The following RGL1 variants were observed in gnomAD, a reference collection of about 807,000 sequenced individuals.
RGL1 encodes ral guanine nucleotide dissociation stimulator-like 1.
Under a neutral mutation model 95.2 loss-of-function variants are expected in RGL1, and 24 were observed. That is an observed-to-expected ratio of 0.25 (90% CI 0.18 to 0.35). The LOEUF (loss-of-function observed/expected upper bound fraction) is 0.35. RGL1 is among the 10% of genes least tolerant of loss of function. RGL1 has a pLI of 1.00. For synonymous variants in RGL1, 329 were observed against 344.9 expected (o/e 0.95, Z 0.51); for missense variants, 715 against 936.3 (o/e 0.76, Z 3.08).
At chr1:183,671,173 T>A (rs1652426114) in intron 1 of RGL1, among the ~76,000 whole-genome samples, 1 of 152,214 alleles carries the variant, frequency 6.6e-6, no homozygotes, top group African/African-American at 2.4e-5. Flanking sequence ...ACTGCCCCCA[T>A]GATTCAGTTA....
At chr1:183,897,506 G>A (rs1000182163) in intron 9 of RGL1, among the ~76,000 whole-genome samples, 9 of 151,542 alleles carry the variant, frequency 5.9e-5, no homozygotes, top group East Asian at 3.9e-4. Context: ...CTGAGATTGC[G>A]CCACTGCACT....
intron 2 of RGL1, among the ~76,000 whole-genome samples, chr1:183,846,432 G>A (rs1664439089): frequency 6.6e-6 from 1 of 151,818 alleles, no homozygotes; most frequent in Admixed American, 6.6e-5. Context: ...AGCCTTAGGA[G>A]AAATACCTAA....
At position 183,806,363 on chromosome 1, in the gene RGL1, C is replaced by T. The variant is rs1290178473; in HGVS notation, c.28-12C>T. The stretch of plus-strand genomic sequence containing the variant: ...ATACTCTTTTTCTTTCTCTTTATCC[C>T]GTCCCTGGCAGAGCTCGATTCAGGA... On this transcript the variant is annotated splice_polypyrimidine_tract_variant and intron_variant, in intron 1 of 17. Transcript: ENST00000360851. 6.3e-7 allele frequency: 1 copy of T among 1,599,852 alleles called. No individual in the cohort carries two copies. Among genetic ancestry groups the T allele is most frequent in the Non-Finnish European group, 8.6e-7 (1 of 1,167,910 alleles).
chr1:183,851,176 G>A (rs1421670379), intron 3 of RGL1, among the ~76,000 whole-genome samples: 1 of 152,168 alleles, frequency 6.6e-6, no homozygotes, highest in Non-Finnish European at 1.5e-5. Flanking sequence ...GGAGAGTTAG[G>A]ATTTATTTTT....
At chr1:183,648,834 A>G (rs1650511161) in intron 1 of RGL1, 4 of 1,424,920 alleles carry the variant, frequency 2.8e-6, no homozygotes, top group Middle Eastern at 1.8e-4. Flanking sequence ...GAGAAATTAC[A>G]TATAAAACCA....
At position 183,883,839 on chromosome 1, in the gene RGL1, G is replaced by A. The variant is rs755391860; in HGVS notation, c.664G>A (p.Gly222Ser). The A allele has an allele frequency of 3.4e-5, 55 of 1,613,980 alleles. No individual in the cohort carries two copies. Among genetic ancestry groups the A allele is most frequent in the Non-Finnish European group, 4.6e-5 (54 of 1,179,908 alleles). Residue 222 changes from glycine to serine, a missense_variant, in exon 6 of 18, where the codon GGT (glycine) becomes AGT (serine). By Grantham distance (56) the Gly-to-Ser change is moderately conservative. Around this residue, in one of 3 missense-constraint regions of RGL1, gnomAD observed 381 missense variants for 484.8 expected, o/e 0.79. Transcript: ENST00000360851. ...CCTGGAAGAGGAAGAGGAACTGGAG[G>A]GTGGAGAGTCAGCAGAATTCACGTG... ...FSLEEEEELEGGESAEFTCFS... is the reference protein window; with the variant it reads ...FSLEEEEELESGESAEFTCFS...
At chr1:183,856,678 T>C (rs893958570) in intron 3 of RGL1, among the ~76,000 whole-genome samples, 2 of 150,758 alleles carry the variant, frequency 1.3e-5, no homozygotes, top group African/African-American at 2.4e-5. Flanking sequence ...TAAAAAAAGG[T>C]AGATTGCTGA....
In RGL1 at chr1:183,648,153, A is replaced by G. The variant is rs147640407; in HGVS notation, c.-33+11652A>G. On this transcript the variant is annotated intron_variant, in intron 1 of 18. Coordinates refer to the RGL1 transcript ENST00000304685. ...TCTCCCAGTTAAAATGGGCTGAAAA[A>G]CATGTGATCCTGAGACACCACTTAT... 1,557 of 1,614,176 alleles carry G rather than the reference A, an allele frequency of 9.6e-4. 7 individuals carry two copies. The highest frequency in any genetic ancestry group is 5.3e-3 in the African/African-American group (397 of 75,032).
chr1:183,860,785 C>T (rs970738947), intron 3 of RGL1, among the ~76,000 whole-genome samples: 1 of 152,176 alleles, frequency 6.6e-6, no homozygotes, highest in South Asian at 2.1e-4. Context: ...ACCATGTATA[C>T]TTCATGAAAA....
At chr1:183,905,186 C>G (rs1668248729) in intron 13 of RGL1, among the ~76,000 whole-genome samples, 1 of 152,154 alleles carries the variant, frequency 6.6e-6, no homozygotes. Context: ...ACTTATTTAT[C>G]TTTGTAACCT....
intron 2 of RGL1, among the ~76,000 whole-genome samples, chr1:183,753,641 A>C (rs777973368): frequency 6.6e-6 from 1 of 152,184 alleles, no homozygotes; most frequent in Non-Finnish European, 1.5e-5. Context: ...GGTAATAAAC[A>C]AGCTGGCATT....
At chr1:183,903,266 A>G (rs904562620) in intron 12 of RGL1, among the ~76,000 whole-genome samples, 1 of 152,152 alleles carries the variant, frequency 6.6e-6, no homozygotes, top group Non-Finnish European at 1.5e-5. Flanking sequence ...AGGAAAGGAA[A>G]TGGCCTTCGT....
chr1:183,738,710 G>A (rs1463969369), intron 1 of RGL1, among the ~76,000 whole-genome samples: 1 of 152,096 alleles, frequency 6.6e-6, no homozygotes, highest in Non-Finnish European at 1.5e-5. Context: ...AGACCAGCCT[G>A]GCCAACATGG....
intron 1 of RGL1, among the ~76,000 whole-genome samples, chr1:183,681,115 T>G (rs1653183393): frequency 6.6e-6 from 1 of 152,244 alleles, no homozygotes; most frequent in African/African-American, 2.4e-5. Context: ...TCATGTCTTC[T>G]GCAAACAGAG....
At chr1:183,741,423 G>A (rs1657297046) in intron 1 of RGL1, among the ~76,000 whole-genome samples, 1 of 152,154 alleles carries the variant, frequency 6.6e-6, no homozygotes, top group African/African-American at 2.4e-5. Flanking sequence ...TGTAAAATTG[G>A]TATCAATTTT....
intron 1 of RGL1, among the ~76,000 whole-genome samples, chr1:183,679,132 A>G (rs1032660365): frequency 6.6e-6 from 1 of 152,224 alleles, no homozygotes; most frequent in Non-Finnish European, 1.5e-5. Context: ...AGCAGAGCCT[A>G]AAACTTAGTC....
intron 2 of RGL1, among the ~76,000 whole-genome samples, chr1:183,757,534 G>T (rs888884254): frequency 3.9e-5 from 6 of 152,152 alleles, no homozygotes; most frequent in Admixed American, 3.9e-4. Context: ...TTTCTAGGAA[G>T]TTATTAATAT....
At chr1:183,678,394 A>G (rs1016261003) in intron 1 of RGL1, among the ~76,000 whole-genome samples, 9 of 152,222 alleles carry the variant, frequency 5.9e-5, no homozygotes, top group Admixed American at 1.3e-4. Context: ...ACTTGAGTTT[A>G]TATCACTTTT....
chr1:183,754,177 A>G (rs1045234928), intron 2 of RGL1, among the ~76,000 whole-genome samples: 1 of 152,150 alleles, frequency 6.6e-6, no homozygotes, highest in African/African-American at 2.4e-5. Context: ...TCAGCATCAT[A>G]TATAAAGATA....
Sources: gnomAD v4.1 joint callset for allele counts (sites outside exome capture counted in the v4.1 genomes callset) on GRCh38, gnomAD v4.1.1 for gene constraint, gnomAD v4.1.1 regional missense constraint, MANE v1.5 for transcripts, NCBI Gene and HGNC (gene_info 2026-07-23, HGNC 2026-07-21) for gene names.